COL4A3: variants seen among roughly 807,000 people sequenced by gnomAD.
COL4A3 encodes the protein collagen alpha-3(IV) chain.
COL4A3 carries 135 observed loss-of-function variants against 217.4 expected under a neutral mutation model. The observed-to-expected ratio is 0.62, with a 90% CI of 0.54 to 0.72. The LOEUF is 0.72. Among genes scored for constraint, COL4A3 ranks in the 30% least tolerant of loss-of-function variants. The pLI, the probability that COL4A3 is intolerant of heterozygous loss-of-function variation, is 0.00. For missense variants in COL4A3, 1,868 were observed against 2,119.9 expected (o/e 0.88, Z 2.33); for synonymous variants, 690 against 736.3 (o/e 0.94, Z 1.02).
At chr2:227,268,907 A>G (rs575980590) in intron 23 of COL4A3, 7 of 152,358 alleles carry the variant, frequency 4.6e-5, no homozygotes, top group African/African-American at 1.4e-4. Flanking sequence ...TGAGCAGCTC[A>G]CTGATGCTGA....
intron 1 of COL4A3, among the ~76,000 whole-genome samples, chr2:227,176,286 A>C (rs566874371): frequency 6.6e-6 from 1 of 152,328 alleles, no homozygotes; most frequent in Admixed American, 6.5e-5. Flanking sequence ...TGTTTCTTGA[A>C]TCTTCCTAGG....
At chr2:227,215,581 C>T (rs913980317) in intron 1 of COL4A3, among the ~76,000 whole-genome samples, 1 of 152,144 alleles carries the variant, frequency 6.6e-6, no homozygotes, top group East Asian at 1.9e-4. Context: ...GCCTCAGCCT[C>T]CCGAGTAGCT....
chr2:227,241,348 C>A (rs567511993), intron 3 of COL4A3, among the ~76,000 whole-genome samples: 21 of 152,262 alleles, frequency 1.4e-4, no homozygotes, highest in African/African-American at 4.8e-4. Context: ...TTGATCTATA[C>A]AGGTCTTTTA....
chr2:227,311,046 C>A, intron 51 of COL4A3, 98 bp downstream of exon 51: 2 of 1,297,916 alleles, frequency 1.5e-6, no homozygotes, highest in South Asian at 2.4e-5. Flanking sequence ...TGATTTTGTA[C>A]TACTGTGCCA....
intron 1 of COL4A3, among the ~76,000 whole-genome samples, chr2:227,166,996 G>C (rs903076569): frequency 1.3e-5 from 2 of 152,176 alleles, no homozygotes; most frequent in Non-Finnish European, 2.9e-5. Flanking sequence ...TTGTTAGCAT[G>C]CTAGAATTCA....
At chr2:227,205,459 C>T (rs2067065223) in intron 1 of COL4A3, among the ~76,000 whole-genome samples, 1 of 152,050 alleles carries the variant, frequency 6.6e-6, no homozygotes, top group Non-Finnish European at 1.5e-5. Context: ...TGCATTGAGA[C>T]ATACAATGCT....
chr2:227,231,568 T>C (rs1487465243), intron 1 of COL4A3, among the ~76,000 whole-genome samples: 1 of 152,166 alleles, frequency 6.6e-6, no homozygotes, highest in Non-Finnish European at 1.5e-5. Context: ...TTGCCCAGGC[T>C]GGAGTGCAAT....
At position 227,269,960 on chromosome 2, in the gene COL4A3, A is replaced by G; in HGVS notation, c.1555A>G (p.Thr519Ala). The G allele has an allele frequency of 2.5e-6, 4 of 1,613,836 alleles. No homozygotes were observed. Among genetic ancestry groups the G allele is most frequent in the Non-Finnish European group, 3.4e-6 (4 of 1,179,786 alleles). ...AGGAAGCCCAGGGTCCCCAGGAAAT[A>G]CAGGTCTTCCAGGATTTCCAGTAAG... The part of the protein sequence containing the change: ...LKGSPGSPGN[T>A]GLPGFPGFPG... The change falls in exon 24 of 52, where the codon ACA (threonine) becomes GCA (alanine). Residue 519 changes from threonine (T) to alanine (A), a missense_variant. Thr to Ala is a moderately conservative substitution (Grantham distance 58). This residue lies in a region of COL4A3 where 1,503 missense variants were observed against 1,786.1 expected (regional missense o/e 0.84). Coordinates refer to ENST00000396578, the MANE Select transcript of COL4A3 (RefSeq NM_000091.5).
intron 1 of COL4A3, among the ~76,000 whole-genome samples, chr2:227,229,880 C>A (rs2068299179): frequency 7.5e-6 from 1 of 132,810 alleles, no homozygotes; most frequent in South Asian, 2.2e-4. Context: ...CACCCTGTGT[C>A]TACTAAAAAA....
chr2:227,259,067 T>A (rs1281171508), intron 18 of COL4A3: 2 of 152,036 alleles, frequency 1.3e-5, no homozygotes, highest in African/African-American at 4.8e-5. Context: ...ATATACTGAA[T>A]GCTAAATGAA....
At chr2:227,167,574 C>T (rs1021093097) in intron 1 of COL4A3, among the ~76,000 whole-genome samples, 5 of 152,210 alleles carry the variant, frequency 3.3e-5, no homozygotes, top group African/African-American at 1.2e-4. Context: ...CTTCTTCTTG[C>T]CTTAGCATTC....
At chr2:227,230,703 C>CTGAATTTT (rs1242612311) in intron 1 of COL4A3, among the ~76,000 whole-genome samples, 1 of 152,132 alleles carries the variant, frequency 6.6e-6, no homozygotes, top group Non-Finnish European at 1.5e-5. Context: ...TTTTGAATTA[C>CTGAATTTT]TGAAACATTT....
Position 227,308,205 on chromosome 2 carries a change from CTTTTTCTTTTTCT to C in COL4A3, c.4462+299_4462+311del, listed in dbSNP as rs1360421751. On this transcript the variant is annotated intron_variant, in intron 48 of 51. Coordinates refer to ENST00000396578, the MANE Select transcript of COL4A3 (RefSeq NM_000091.5). Reference sequence around the variant, plus strand: ...CCTGTCTGCATTTATCTTTTTGGTGCTTTTTCTTTTTCTTTTTTCTTTTTCACACAGGGTCTCA... The same window carrying C: ...CCTGTCTGCATTTATCTTTTTGGTGCTTTTTCTTTTTCACACAGGGTCTCA... Among the ~76,000 whole-genome samples the C allele has an allele frequency of 3.3e-5, 5 of 152,188 alleles. No individual in the cohort carries two copies. The East Asian group carries it at 9.7e-4, about 29-fold the overall frequency.
intron 1 of COL4A3, among the ~76,000 whole-genome samples, chr2:227,174,259 T>G (rs1320372965): frequency 6.6e-6 from 1 of 152,144 alleles, no homozygotes; most frequent in Non-Finnish European, 1.5e-5. Context: ...GAAAAAGGAA[T>G]GGGGCAAGGG....
intron 1 of COL4A3, among the ~76,000 whole-genome samples, chr2:227,234,474 A>G (rs766617871): frequency 4.6e-5 from 7 of 152,250 alleles, no homozygotes; most frequent in Non-Finnish European, 7.3e-5. Flanking sequence ...TATCTGCATC[A>G]TGGCACCCCA....
At chr2:227,186,078 A>T (rs796677644) in intron 1 of COL4A3, among the ~76,000 whole-genome samples, 14 of 152,352 alleles carry the variant, frequency 9.2e-5, no homozygotes, top group African/African-American at 3.1e-4. Context: ...TTTGTTAACT[A>T]GAATAGCTGG....
chr2:227,263,598 G>C (rs1024045199), intron 20 of COL4A3, among the ~76,000 whole-genome samples, 182 bp from the exon 21 acceptor site: 1 of 152,086 alleles, frequency 6.6e-6, no homozygotes, highest in Non-Finnish European at 1.5e-5. Flanking sequence ...CTGTACTGTG[G>C]TTATTTAACA....
chr2:227,281,127 A>G, intron 31 of COL4A3, 121 bp downstream of exon 31: 1 of 737,332 alleles, frequency 1.4e-6, no homozygotes, highest in Non-Finnish European at 2.5e-6. Context: ...GTTCAATGAG[A>G]AATACTTCAG....
intron 50 of COL4A3, among the ~76,000 whole-genome samples, chr2:227,310,442 G>A (rs1574843929): frequency 6.6e-6 from 1 of 152,270 alleles, no homozygotes; most frequent in East Asian, 1.9e-4. Context: ...TCAGCCTCCT[G>A]AGTAGCTTGG....
Sources: gnomAD v4.1 joint callset for allele counts (sites outside exome capture counted in the v4.1 genomes callset) on GRCh38, gnomAD v4.1.1 for gene constraint, gnomAD v4.1.1 regional missense constraint, MANE v1.5 for transcripts, NCBI Gene and HGNC (gene_info 2026-07-23, HGNC 2026-07-21) for gene names.